SEC31B: variants seen among roughly 807,000 people sequenced by gnomAD.
The protein encoded by SEC31B is SEC31 homolog B, COPII component.
SEC31B carries 113 observed loss-of-function variants against 135.0 expected under a neutral mutation model. That is an observed-to-expected ratio of 0.84 (90% CI 0.72 to 0.98). The LOEUF is 0.98. Ranked by LOEUF, SEC31B falls within the 50% of genes least tolerant of loss-of-function variation. The pLI, the probability that SEC31B is intolerant of heterozygous loss-of-function variation, is 0.00. For synonymous variants in SEC31B, 508 were observed against 549.4 expected (o/e 0.92, Z 1.05); for missense variants, 1,296 against 1,421.1 (o/e 0.91, Z 1.42).
chr10:100,490,443 G>C, intron 20 of SEC31B, 121 bp from the exon 21 acceptor site: 1 of 1,083,386 alleles, frequency 9.2e-7, no homozygotes, highest in Non-Finnish European at 1.3e-6. Context: ...CATGTATATG[G>C]AAATCTATAA....
chr10:100,516,144 TC>T lies in SEC31B; in HGVS notation c.154del (p.Asp52ThrfsTer6). On this transcript the variant is annotated frameshift_variant, in exon 3 of 26. Transcript: ENST00000370345. LOFTEE classifies it high-confidence loss of function. ...TCTGTGTTTCAAGTCCAGAGAAGGG[TC>T]CCTGAAATCAACCTCAAATATTTCC... ...TLEIFEVDFR[D>X]PSLDLKHRGV... 2 of 1,613,996 alleles carry T rather than the reference TC, an allele frequency of 1.2e-6. No individual in the cohort carries two copies. The highest frequency in any genetic ancestry group is 1.7e-6 in the Non-Finnish European group (2 of 1,179,984).
rs1378213622 is a variant in SEC31B, at chr10:100,495,322, G to A, written c.2472+63C>T. 2.1e-6 allele frequency: 3 copies of A among 1,443,234 alleles called. No individual in the cohort carries two copies. In the South Asian group the frequency reaches 3.6e-5, roughly 17 times the overall value. The allele number at this position is 1,443,234 out of a possible 1,614,324, so 89.4% of individuals were successfully genotyped here. ...GTTTTGTTCACAATATATTCCAAGT[G>A]CCCAGAACCATGCTTGGCACGTATT... is the stretch of plus-strand genomic sequence containing the variant. On this transcript the variant is annotated intron_variant, in intron 19 of 25. Coordinates refer to ENST00000370345, the MANE Select transcript of SEC31B (RefSeq NM_015490.4).
chr10:100,518,922 C>T (rs1050582346), intron 1 of SEC31B, among the ~76,000 whole-genome samples: 2 of 152,210 alleles, frequency 1.3e-5, no homozygotes, highest in African/African-American at 4.8e-5. Context: ...ATACAGTCAC[C>T]AGTGCCACCT....
At chr10:100,516,403 T>A (rs1851846538) in intron 2 of SEC31B, among the ~76,000 whole-genome samples, 184 bp from the exon 3 acceptor site, 1 of 151,890 alleles carries the variant, frequency 6.6e-6, no homozygotes, top group African/African-American at 2.4e-5. Flanking sequence ...ATCCCAACAT[T>A]TTGGGACGCC....
intron 10 of SEC31B, among the ~76,000 whole-genome samples, chr10:100,503,197 C>A (rs1188551994): frequency 6.6e-5 from 10 of 152,200 alleles, no homozygotes; most frequent in Non-Finnish European, 1.3e-4. Context: ...CCTGGAGTAT[C>A]CGTCTCACCA....
chr10:100,488,155 C>G, intron 24 of SEC31B, 57 bp from the exon 25 acceptor site: 1 of 1,478,586 alleles, frequency 6.8e-7, no homozygotes, highest in South Asian at 1.1e-5. Context: ...CCACACAGGG[C>G]CATAAAGAAT....
intron 10 of SEC31B, among the ~76,000 whole-genome samples, chr10:100,504,356 A>T (rs1160634056): frequency 6.6e-6 from 1 of 152,212 alleles, no homozygotes; most frequent in Admixed American, 6.5e-5. Flanking sequence ...TTCAAACCTA[A>T]TATTTAAAGC....
chr10:100,516,969 G>A lies in SEC31B; in HGVS notation c.-17C>T, dbSNP rs752427639. 2 of 1,607,712 alleles carry A rather than the reference G, an allele frequency of 1.2e-6. No homozygotes were observed. Among genetic ancestry groups the A allele is most frequent in the Non-Finnish European group, 1.7e-6 (2 of 1,174,396 alleles). On this transcript the variant is annotated 5_prime_UTR_variant, in exon 2 of 26. Coordinates refer to ENST00000370345, the MANE Select transcript of SEC31B (RefSeq NM_015490.4). ...CAGCTTCATGGTCTATCCTGTAGGT[G>A]GCAGAAAACTGACATGGCCCTCAGC...
At chr10:100,514,873 C>T (rs762005998) in intron 3 of SEC31B, among the ~76,000 whole-genome samples, 13 of 150,438 alleles carry the variant, frequency 8.6e-5, no homozygotes, top group African/African-American at 2.0e-4. Context: ...CCCAGCTACT[C>T]GGGCGGCTGA....
chr10:100,500,306 C>T (rs1475756781), intron 11 of SEC31B: 1 of 386,218 alleles, frequency 2.6e-6, no homozygotes, highest in Non-Finnish European at 5.1e-6. Flanking sequence ...TCTTGTGAGT[C>T]TAAATGTTTC....
intron 3 of SEC31B, among the ~76,000 whole-genome samples, chr10:100,511,221 C>A (rs1851731929): frequency 6.6e-6 from 1 of 152,248 alleles, no homozygotes; most frequent in Non-Finnish European, 1.5e-5. Flanking sequence ...AAGCACATTT[C>A]TGTGGTTAAC....
At chr10:100,497,051 G>A (rs1851423010) in intron 17 of SEC31B, 84 bp downstream of exon 17, 11 of 1,516,378 alleles carry the variant, frequency 7.3e-6, no homozygotes, top group Admixed American at 1.8e-5. Context: ...CAGAAGATTC[G>A]CCTCTGCTAG....
rs1851864796 is a variant in SEC31B, at chr10:100,517,059, CTTGT to C, written c.-45-66_-45-63del. 28 of 782,418 alleles carry C rather than the reference CTTGT, an allele frequency of 3.6e-5. No individual in the cohort carries two copies. In the East Asian group the frequency reaches 7.1e-4, roughly 20 times the overall value. 48.5% of individuals were successfully genotyped at this position (782,418 alleles called of 1,614,324 possible). On this transcript the variant is annotated intron_variant, in intron 1 of 25. Transcript: ENST00000370345. The stretch of plus-strand genomic sequence containing the variant: ...CAGGGAGCATCTGCGGACAAGAGTT[CTTGT>C]TTGTCTTTCTCCATCACAAGATAGG...
intron 19 of SEC31B, chr10:100,494,967 A>G: frequency 4.3e-6 from 1 of 230,814 alleles, no homozygotes; most frequent in Admixed American, 5.4e-5. Flanking sequence ...CTGGGACTAC[A>G]GGCACGTGCC....
intron 3 of SEC31B, among the ~76,000 whole-genome samples, chr10:100,515,125 T>G (rs990490315): frequency 4.0e-5 from 6 of 149,652 alleles, no homozygotes; most frequent in Admixed American, 1.3e-4. Context: ...ACCCCATCTC[T>G]TCTAAAAATA....
At chr10:100,508,959 G>A (rs371453910) in intron 5 of SEC31B, 48 bp downstream of exon 5, 27 of 1,449,692 alleles carry the variant, frequency 1.9e-5, no homozygotes, top group African/African-American at 2.8e-5. Context: ...TTTTACTTAG[G>A]AGAATCAGCT....
At chr10:100,498,283 C>T (rs1250562943) in intron 14 of SEC31B, 76 bp from the exon 15 acceptor site, 2 of 1,377,138 alleles carry the variant, frequency 1.5e-6, no homozygotes, top group Non-Finnish European at 2.0e-6. Context: ...GCCCACAGCA[C>T]ACCCTCTATA....
At position 100,508,062 on chromosome 10, in the gene SEC31B, A is replaced by T; in HGVS notation, c.496-11T>A. On this transcript the variant is annotated splice_polypyrimidine_tract_variant and intron_variant, in intron 5 of 25. Coordinates refer to ENST00000370345, the MANE Select transcript of SEC31B (RefSeq NM_015490.4). ...GTCCTCTGGAGGCTGCTAAGGCAGG[A>T]TGGGGACAGAAAGATGACAACTTGT... The T allele has an allele frequency of 5.0e-6, 8 of 1,614,080 alleles. No homozygotes were observed. The highest frequency in any genetic ancestry group is 6.8e-6 in the Non-Finnish European group (8 of 1,179,964).
At chr10:100,491,120 G>A (rs1054056712) in intron 19 of SEC31B, among the ~76,000 whole-genome samples, 2 of 152,010 alleles carry the variant, frequency 1.3e-5, no homozygotes, top group Non-Finnish European at 2.9e-5. Flanking sequence ...AAATATAAAC[G>A]AATACTACAG....
Sources: allele counts gnomAD v4.1 joint callset (sites outside exome capture counted in the v4.1 genomes callset), GRCh38; gene constraint gnomAD v4.1.1; transcripts MANE v1.5; gene names NCBI Gene and HGNC (gene_info 2026-07-23, HGNC 2026-07-21).